The following LRRFIP2 variants were observed in gnomAD, a reference collection of about 807,000 sequenced individuals.
LRRFIP2 encodes LRR binding FLII interacting protein 2, also known as leucine-rich repeat flightless-interacting protein 2.
In LRRFIP2, 109 loss-of-function variants were observed where a neutral mutation model predicts 125.9. The observed-to-expected ratio is 0.87, with a 90% CI of 0.74 to 1.01. The LOEUF (loss-of-function observed/expected upper bound fraction) is 1.01. Among genes scored for constraint, LRRFIP2 ranks in the 50% least tolerant of loss-of-function variants. LRRFIP2 has a pLI of 0.00. For missense variants in LRRFIP2, 850 were observed against 862.3 expected (o/e 0.99, Z 0.18); for synonymous variants, 291 against 293.1 (o/e 0.99, Z 0.07).
intron 7 of LRRFIP2, among the ~76,000 whole-genome samples, chr3:37,113,544 C>T (rs1450937126): frequency 6.6e-6 from 1 of 152,046 alleles, no homozygotes; most frequent in Non-Finnish European, 1.5e-5. Context: ...TCAAGTGATC[C>T]TCCTGCCTCA....
intron 4 of LRRFIP2, among the ~76,000 whole-genome samples, chr3:37,123,228 G>A (rs189896899): frequency 2.6e-5 from 4 of 152,132 alleles, no homozygotes; most frequent in East Asian, 1.9e-4. Context: ...TCGCTCTGTC[G>A]CCTAGGCTGG....
chr3:37,164,460 G>C (rs966505859), intron 1 of LRRFIP2, among the ~76,000 whole-genome samples: 1 of 152,166 alleles, frequency 6.6e-6, no homozygotes, highest in African/African-American at 2.4e-5. Context: ...GCTCATGCCT[G>C]TAATTCCAGC....
intron 2 of LRRFIP2, among the ~76,000 whole-genome samples, chr3:37,133,246 A>C (rs983627367): frequency 6.6e-6 from 1 of 152,168 alleles, no homozygotes; most frequent in Non-Finnish European, 1.5e-5. Context: ...AAACAAAACA[A>C]AATAAAGTTG....
intron 4 of LRRFIP2, among the ~76,000 whole-genome samples, chr3:37,124,318 TA>T (rs1275083654): frequency 1.3e-5 from 2 of 152,204 alleles, no homozygotes; most frequent in Non-Finnish European, 2.9e-5. Flanking sequence ...TGTGTTTACG[TA>T]AAACTGTAAG....
At position 37,105,463 on chromosome 3, in the gene LRRFIP2, C is replaced by T; in HGVS notation, c.775G>A (p.Glu259Lys). ...SSDRASRGRR[E>K]SVVSAADYFS... is the part of the protein sequence containing the mutation. ...ATGCAAATCATGCTCACCACACTCTCCCTTCGTCCACGACTGGCACGATCA... is the reference window on the plus strand; with the variant it reads ...ATGCAAATCATGCTCACCACACTCTTCCTTCGTCCACGACTGGCACGATCA... Residue 259 changes from glutamate to lysine, a missense_variant, in exon 14 of 28, where the codon GAG (glutamate) becomes AAG (lysine). Coordinates refer to ENST00000336686, the MANE Select transcript of LRRFIP2 (RefSeq NM_006309.4). The T allele has an allele frequency of 6.2e-7, 1 of 1,613,826 alleles. No individual in the cohort carries two copies. The highest frequency in any genetic ancestry group is 8.5e-7 in the Non-Finnish European group (1 of 1,179,760).
At chr3:37,091,130 C>T (rs2093409885) in intron 18 of LRRFIP2, among the ~76,000 whole-genome samples, 1 of 151,890 alleles carries the variant, frequency 6.6e-6, no homozygotes, top group East Asian at 1.9e-4. Flanking sequence ...AATCCCAGCA[C>T]TTTGAGAGGC....
chr3:37,071,970 C>T (rs1415747846), intron 21 of LRRFIP2, among the ~76,000 whole-genome samples: 6 of 152,160 alleles, frequency 3.9e-5, no homozygotes, highest in African/African-American at 1.2e-4. Context: ...TGGGCCCTTA[C>T]TTGGGGGAGT....
At chr3:37,114,085 A>T (rs1230757981) in intron 7 of LRRFIP2, among the ~76,000 whole-genome samples, 2 of 150,494 alleles carry the variant, frequency 1.3e-5, no homozygotes, top group African/African-American at 4.9e-5. Context: ...CTGTATTCCC[A>T]ATCAATGATT....
intron 2 of LRRFIP2, among the ~76,000 whole-genome samples, chr3:37,131,269 G>A (rs1440921803): frequency 6.6e-6 from 1 of 152,120 alleles, no homozygotes; most frequent in African/African-American, 2.4e-5. Flanking sequence ...GGCAGGAGCT[G>A]TTCTCCTTTC....
intron 19 of LRRFIP2, among the ~76,000 whole-genome samples, chr3:37,078,238 CTATACATCCAG>C (rs1177283155): frequency 1.3e-5 from 2 of 152,038 alleles, no homozygotes; most frequent in East Asian, 3.8e-4. Context: ...GTGAACCTAA[CTATACATCCAG>C]TTAGAAGCGC....
Position 37,053,528 on chromosome 3 carries a change from A to G in LRRFIP2, c.*323T>C, listed in dbSNP as rs2148553997. 3.4e-6 allele frequency: 1 copy of G among 297,692 alleles called. No homozygotes were observed. The highest frequency in any genetic ancestry group is 4.6e-5 in the Admixed American group (1 of 21,608). The allele number at this position is 297,692 out of a possible 1,614,324, so 18.4% of individuals were successfully genotyped here. A position where few individuals can be genotyped will look rare whatever the true frequency, so the allele number is the denominator to read the frequency against. On this transcript the variant is annotated 3_prime_UTR_variant, in exon 28 of 28. Coordinates refer to ENST00000336686, the MANE Select transcript of LRRFIP2 (RefSeq NM_006309.4). ...ATAGAATTGCTGTCTGTCCTCCAGAACCCGTGCCAAGGCCTCCGAGTGCCC... is the reference window on the plus strand; with the variant it reads ...ATAGAATTGCTGTCTGTCCTCCAGAGCCCGTGCCAAGGCCTCCGAGTGCCC...
intron 1 of LRRFIP2, among the ~76,000 whole-genome samples, chr3:37,153,955 T>C (rs1183041878): frequency 6.7e-6 from 1 of 150,362 alleles, no homozygotes; most frequent in Non-Finnish European, 1.5e-5. Context: ...TAGGCAGATT[T>C]CCTTACCAAT....
At chr3:37,107,197 G>A (rs145817384) in intron 13 of LRRFIP2, among the ~76,000 whole-genome samples, 45 of 152,018 alleles carry the variant, frequency 3.0e-4, no homozygotes, top group Non-Finnish European at 5.4e-4. Flanking sequence ...CACCATGCCC[G>A]GACAGGAAAT....
At chr3:37,144,172 G>A (rs892206949) in intron 2 of LRRFIP2, among the ~76,000 whole-genome samples, 1 of 152,194 alleles carries the variant, frequency 6.6e-6, no homozygotes, top group South Asian at 2.1e-4. Context: ...CCAGGTGGCA[G>A]GTTCAGAAGT....
intron 1 of LRRFIP2, among the ~76,000 whole-genome samples, chr3:37,155,609 T>C (rs1013280873): frequency 1.3e-5 from 2 of 152,178 alleles, no homozygotes; most frequent in African/African-American, 4.8e-5. Context: ...AGAACACAAG[T>C]GACTTGAAAC....
intron 2 of LRRFIP2, among the ~76,000 whole-genome samples, chr3:37,132,728 A>G (rs1360012055): frequency 2.0e-5 from 3 of 152,226 alleles, no homozygotes; most frequent in Non-Finnish European, 4.4e-5. Flanking sequence ...TATATGCTCT[A>G]TAACTTATTG....
At chr3:37,122,152 G>A (rs1245630004) in intron 4 of LRRFIP2, among the ~76,000 whole-genome samples, 2 of 141,834 alleles carry the variant, frequency 1.4e-5, no homozygotes, top group Non-Finnish European at 3.0e-5. Flanking sequence ...CCACCTATGA[G>A]TGAGAACACG....
In LRRFIP2 at chr3:37,126,728, G is replaced by A. The variant is rs193118250; in HGVS notation, c.228+902C>T. ...ACAAAAATCAGCTGGGCATGGTGGCGGGCGCCTGTAATCCCAGCTACTTGA... is the reference window on the plus strand; with the variant it reads ...ACAAAAATCAGCTGGGCATGGTGGCAGGCGCCTGTAATCCCAGCTACTTGA... On this transcript the variant is annotated intron_variant, in intron 4 of 27. Transcript: ENST00000336686. Among the ~76,000 whole-genome samples the A allele has an allele frequency of 5.0e-3, 764 of 151,846 alleles. 5 individuals carry two copies. Among genetic ancestry groups the A allele is most frequent in the Non-Finnish European group, 8.3e-3 (565 of 67,904 alleles).
At chr3:37,113,060 A>G in intron 7 of LRRFIP2, 80 bp from the exon 8 acceptor site, 1 of 793,444 alleles carries the variant, frequency 1.3e-6, no homozygotes, top group South Asian at 1.6e-5. Context: ...TTCAAATTAT[A>G]TACACAAAGG....
Sources: gnomAD v4.1 joint callset for allele counts (sites outside exome capture counted in the v4.1 genomes callset) on GRCh38, gnomAD v4.1.1 for gene constraint, MANE v1.5 for transcripts, NCBI Gene and HGNC (gene_info 2026-07-23, HGNC 2026-07-21) for gene names.